Variants in LRP1B observed in about 807,000 individuals in gnomAD.
The protein encoded by LRP1B is LDL receptor related protein 1B.
Under a neutral mutation model 556.6 loss-of-function variants are expected in LRP1B, and 217 were observed. The ratio of observed to expected loss-of-function variants is 0.39; its 90% confidence interval spans 0.35 to 0.44. The LOEUF (loss-of-function observed/expected upper bound fraction) is 0.44. Among genes scored for constraint, LRP1B ranks in the 20% least tolerant of loss-of-function variants. The probability of loss-of-function intolerance (pLI) is 1.00; values close to 1 mark genes in which losing one functional copy is unlikely to be tolerated. For missense variants in LRP1B, 5,053 were observed against 5,620.8 expected, an observed-to-expected ratio of 0.90 and a Z score of 3.23; for synonymous variants, 2,047 against 1,865.8, an observed-to-expected ratio of 1.10 and a Z score of -2.50.
chr2:140,683,912 C>G (rs112362832), intron 41 of LRP1B: 1 of 466,594 alleles, frequency 2.1e-6, no homozygotes, highest in South Asian at 2.5e-5. Flanking sequence ...GGGCTGCCCG[C>G]GGCTTGCCCC....
chr2:140,927,694 T>A (rs1382447573), intron 20 of LRP1B, among the ~76,000 whole-genome samples: 1 of 145,644 alleles, frequency 6.9e-6, no homozygotes, highest in Non-Finnish European at 1.5e-5. Context: ...GGCAGATTAG[T>A]ATTACGAGGA....
intron 29 of LRP1B, among the ~76,000 whole-genome samples, chr2:140,849,134 A>C (rs180673701): frequency 3.5e-4 from 51 of 145,668 alleles, no homozygotes; most frequent in African/African-American, 1.2e-3. Flanking sequence ...AGGCGGGTGG[A>C]TTGCGAGGTC....
intron 75 of LRP1B, among the ~76,000 whole-genome samples, chr2:140,354,001 T>C (rs1417783070): frequency 6.6e-6 from 1 of 152,084 alleles, no homozygotes; most frequent in Non-Finnish European, 1.5e-5. Flanking sequence ...AGTATTCATG[T>C]GATTTAATCA....
chr2:141,190,429 G>C (rs1012650004), intron 6 of LRP1B, among the ~76,000 whole-genome samples: 3 of 151,456 alleles, frequency 2.0e-5, no homozygotes, highest in Non-Finnish European at 4.4e-5. Flanking sequence ...GTCTTGACTT[G>C]AGTATTTTTT....
At chr2:141,685,725 T>G (rs1332422026) in intron 2 of LRP1B, among the ~76,000 whole-genome samples, 1 of 152,054 alleles carries the variant, frequency 6.6e-6, no homozygotes, top group African/African-American at 2.4e-5. Flanking sequence ...AGCCAAGGAA[T>G]GCTGGCAGCC....
intron 83 of LRP1B, among the ~76,000 whole-genome samples, chr2:140,310,545 T>C (rs1171955712): frequency 2.0e-5 from 3 of 151,500 alleles, no homozygotes; most frequent in Non-Finnish European, 4.4e-5. Flanking sequence ...GGTATAAAAA[T>C]AGATACATGG....
intron 2 of LRP1B, among the ~76,000 whole-genome samples, chr2:141,768,010 A>G (rs2105608995): frequency 6.6e-6 from 1 of 152,268 alleles, no homozygotes; most frequent in East Asian, 1.9e-4. Flanking sequence ...TCTGGGGGAC[A>G]ATATAACTTT....
intron 3 of LRP1B, among the ~76,000 whole-genome samples, chr2:141,421,283 C>T (rs975081999): frequency 6.6e-6 from 1 of 152,102 alleles, no homozygotes; most frequent in Non-Finnish European, 1.5e-5. Flanking sequence ...AATCCCAGCA[C>T]TTTGGGAGCC....
intron 2 of LRP1B, among the ~76,000 whole-genome samples, chr2:141,713,006 T>C (rs957647623): frequency 2.6e-5 from 4 of 151,886 alleles, no homozygotes; most frequent in Non-Finnish European, 5.9e-5. Context: ...AGTATACAAG[T>C]ACATTAGACA....
chr2:141,726,664 A>G (rs16846976), intron 2 of LRP1B, among the ~76,000 whole-genome samples: 1 of 152,084 alleles, frequency 6.6e-6, no homozygotes, highest in Non-Finnish European at 1.5e-5. Flanking sequence ...ACTGGAATCA[A>G]AAGCAATAAA....
chr2:141,475,184 C>A (rs1682651280), intron 3 of LRP1B, among the ~76,000 whole-genome samples: 1 of 152,016 alleles, frequency 6.6e-6, no homozygotes, highest in African/African-American at 2.4e-5. Flanking sequence ...ACCAGCTTGG[C>A]CAACATGGTG....
chr2:141,630,429 C>CTT (rs1309547436), intron 2 of LRP1B, among the ~76,000 whole-genome samples: 2 of 152,212 alleles, frequency 1.3e-5, no homozygotes, highest in Non-Finnish European at 1.5e-5. Context: ...TTCAGAACTT[C>CTT]TTTACATCTT....
intron 41 of LRP1B, among the ~76,000 whole-genome samples, chr2:140,659,883 G>A (rs1209699209): frequency 6.6e-6 from 1 of 151,998 alleles, no homozygotes; most frequent in Non-Finnish European, 1.5e-5. Flanking sequence ...TATTTGGGGA[G>A]TAACACATTG....
chr2:142,024,972 C>A lies in LRP1B; in HGVS notation c.82+105676G>T, dbSNP rs1208991312. On this transcript the variant is annotated intron_variant, in intron 1 of 90. Transcript: ENST00000389484. ...AAGGGGTTTGCGTTCTATTTGAGGACAAAGTCTAAAAAATTAGTAGTTTAA... is the reference window on the plus strand; with the variant it reads ...AAGGGGTTTGCGTTCTATTTGAGGAAAAAGTCTAAAAAATTAGTAGTTTAA... Among the ~76,000 whole-genome samples, 3 of 152,150 alleles carry A rather than the reference C, an allele frequency of 2.0e-5. No homozygotes were observed. In the East Asian group the frequency reaches 5.8e-4, roughly 29 times the overall value.
At chr2:141,598,446 T>C (rs1274744175) in intron 2 of LRP1B, among the ~76,000 whole-genome samples, 2 of 152,148 alleles carry the variant, frequency 1.3e-5, no homozygotes, top group Non-Finnish European at 2.9e-5. Context: ...AAAGCTTATA[T>C]AGTTTAAAGA....
At chr2:141,905,992 ATGTGTGTGTGTGTGTGTG>A (rs10588603) in intron 1 of LRP1B, among the ~76,000 whole-genome samples, 1 of 140,166 alleles carries the variant, frequency 7.1e-6, no homozygotes, top group Non-Finnish European at 1.6e-5. Flanking sequence ...TAGACAAGAG[ATGTGTGTGTGTGTGTGTG>A]TGTGTGTGTG....
At chr2:140,436,452 A>G (rs1175078742) in intron 66 of LRP1B, among the ~76,000 whole-genome samples, 3 of 152,184 alleles carry the variant, frequency 2.0e-5, no homozygotes, top group Non-Finnish European at 4.4e-5. Context: ...CAAAATGTTC[A>G]AAGTATATCC....
chr2:141,513,847 C>A (rs1052771009), intron 2 of LRP1B, among the ~76,000 whole-genome samples: 2 of 152,156 alleles, frequency 1.3e-5, no homozygotes, highest in Non-Finnish European at 1.5e-5. Flanking sequence ...GAGGCTGGAA[C>A]CTTCTGGACT....
intron 3 of LRP1B, among the ~76,000 whole-genome samples, chr2:141,409,482 T>G (rs1001230910): frequency 1.3e-5 from 2 of 152,088 alleles, no homozygotes; most frequent in Non-Finnish European, 2.9e-5. Flanking sequence ...TCAATACGAA[T>G]CAGTTCCCTT....
Sources: gnomAD v4.1 joint callset for allele counts (sites outside exome capture counted in the v4.1 genomes callset) on GRCh38, gnomAD v4.1.1 for gene constraint, MANE v1.5 for transcripts, NCBI Gene and HGNC (gene_info 2026-07-23, HGNC 2026-07-21) for gene names.